The following DNAH9 variants were observed in gnomAD, a reference collection of about 807,000 sequenced individuals.
DNAH9 encodes the protein DNAH9 variant protein.
Under a neutral mutation model 471.6 loss-of-function variants are expected in DNAH9, and 345 were observed. That is an observed-to-expected ratio of 0.73 (90% CI 0.67 to 0.80). The LOEUF is 0.80. Ranked by LOEUF, DNAH9 falls within the 30% of genes least tolerant of loss-of-function variation. The pLI, the probability that DNAH9 is intolerant of heterozygous loss-of-function variation, is 0.00. For missense variants in DNAH9, 5,407 were observed against 5,609.2 expected (o/e 0.96, Z 1.15); for synonymous variants, 2,093 against 2,123.6 (o/e 0.99, Z 0.40).
intron 32 of DNAH9, among the ~76,000 whole-genome samples, chr17:11,749,667 T>C (rs1967068135): frequency 6.6e-6 from 1 of 152,066 alleles, no homozygotes; most frequent in Non-Finnish European, 1.5e-5. Context: ...TGAGGCAGGG[T>C]ACAGAATCAA....
chr17:11,840,468 A>G (rs558206474), intron 49 of DNAH9, among the ~76,000 whole-genome samples: 2 of 152,184 alleles, frequency 1.3e-5, no homozygotes, highest in Admixed American at 1.3e-4. Context: ...CCTTATACAT[A>G]TATCTTTATT....
intron 32 of DNAH9, among the ~76,000 whole-genome samples, chr17:11,750,775 G>A (rs912210998): frequency 5.3e-5 from 8 of 151,998 alleles, no homozygotes; most frequent in African/African-American, 1.9e-4. Flanking sequence ...AAACCTCTAA[G>A]GGAAAACTTT....
chr17:11,606,427 T>A (rs1267050607), intron 1 of DNAH9, among the ~76,000 whole-genome samples: 3 of 140,984 alleles, frequency 2.1e-5, no homozygotes, highest in Admixed American at 1.5e-4. Flanking sequence ...ACTGACAACT[T>A]TCTTTCTTTT....
At chr17:11,894,659 T>C (rs1241989521) in intron 59 of DNAH9, among the ~76,000 whole-genome samples, 163 bp downstream of exon 59, 1 of 152,192 alleles carries the variant, frequency 6.6e-6, no homozygotes, top group Admixed American at 6.5e-5. Context: ...TGAGCTCATC[T>C]TTCCTGGGCC....
At chr17:11,761,838 CTGAT>C (rs1246595802) in intron 35 of DNAH9, among the ~76,000 whole-genome samples, 1 of 152,132 alleles carries the variant, frequency 6.6e-6, no homozygotes, top group Non-Finnish European at 1.5e-5. Context: ...CTCTAGTACT[CTGAT>C]TGCTAATTTC....
intron 7 of DNAH9, 43 bp from the exon 8 acceptor site, chr17:11,632,544 C>A: frequency 9.9e-7 from 1 of 1,005,990 alleles, no homozygotes; most frequent in Non-Finnish European, 1.6e-6. Context: ...GGTTGGCTTA[C>A]AGAAAATTAC....
chr17:11,762,788 T>TG (rs1183545995), intron 35 of DNAH9, among the ~76,000 whole-genome samples: 77 of 121,208 alleles, frequency 6.4e-4, no homozygotes, highest in African/African-American at 9.5e-4. Context: ...TTTTTTTTTT[T>TG]TTTTTTTTTG....
chr17:11,761,226 T>C (rs1207944037), intron 35 of DNAH9, among the ~76,000 whole-genome samples: 1 of 152,060 alleles, frequency 6.6e-6, no homozygotes, highest in Non-Finnish European at 1.5e-5. Flanking sequence ...CCAGTGAAAA[T>C]ATAAAGAAAC....
At chr17:11,891,063 T>C (rs1020004779) in intron 57 of DNAH9, among the ~76,000 whole-genome samples, 1 of 152,212 alleles carries the variant, frequency 6.6e-6, no homozygotes, top group Non-Finnish European at 1.5e-5. Flanking sequence ...TTTACTTTTT[T>C]AAATAGTCAA....
intron 15 of DNAH9, among the ~76,000 whole-genome samples, chr17:11,667,144 C>T (rs2073886104): frequency 6.6e-6 from 1 of 152,174 alleles, no homozygotes; most frequent in African/African-American, 2.4e-5. Context: ...ACAGTCAAAA[C>T]ATTCTGTCAA....
rs200331382 is a variant in DNAH9, at chr17:11,905,782, G to A, written c.11722G>A (p.Asp3908Asn). Residue 3908 changes from aspartate (D) to asparagine (N), a missense_variant, in exon 61 of 69, where the codon GAC becomes AAC. Asp to Asn is a conservative substitution (Grantham distance 23, BLOSUM62 1). Transcript: ENST00000262442. ...GTTTTTCATCCTGTCTCCAGGGGTG[G>A]ACCCACTGAAGGATGTAGAAAGTCA... is the stretch of plus-strand genomic sequence containing the variant. ...PMFFILSPGV[D>N]PLKDVESQGR... The A allele has an allele frequency of 6.2e-7, 1 of 1,612,868 alleles. No individual in the cohort carries two copies. The highest frequency in any genetic ancestry group is 8.5e-7 in the Non-Finnish European group (1 of 1,179,322).
intron 17 of DNAH9, among the ~76,000 whole-genome samples, chr17:11,674,682 C>A (rs1480362654): frequency 6.6e-6 from 1 of 152,098 alleles, no homozygotes; most frequent in Non-Finnish European, 1.5e-5. Flanking sequence ...TAAACAAATT[C>A]TTAATTTGTG....
intron 41 of DNAH9, among the ~76,000 whole-genome samples, chr17:11,791,230 T>C (rs578020194): frequency 1.3e-5 from 2 of 152,340 alleles, no homozygotes; most frequent in Admixed American, 1.3e-4. Context: ...GGTTGGTTGC[T>C]ATTTTCTTTC....
intron 6 of DNAH9, among the ~76,000 whole-genome samples, chr17:11,627,199 G>A (rs2072984794): frequency 6.6e-6 from 1 of 152,128 alleles, no homozygotes; most frequent in African/African-American, 2.4e-5. Flanking sequence ...AACAATGTAA[G>A]TATCTATCTT....
At chr17:11,600,585 G>A (rs144590081) in intron 1 of DNAH9, among the ~76,000 whole-genome samples, 90 of 152,338 alleles carry the variant, frequency 5.9e-4, no homozygotes, top group African/African-American at 2.1e-3. Flanking sequence ...GGGACTGGGT[G>A]ACTGAATTAT....
chr17:11,720,970 G>A (rs1201909594), intron 27 of DNAH9, among the ~76,000 whole-genome samples: 1 of 152,150 alleles, frequency 6.6e-6, no homozygotes, highest in East Asian at 1.9e-4. Flanking sequence ...TTATGTTCTA[G>A]ATTTTTCTAT....
At chr17:11,793,122 T>C (rs1369467987) in intron 41 of DNAH9, among the ~76,000 whole-genome samples, 1 of 152,238 alleles carries the variant, frequency 6.6e-6, no homozygotes, top group African/African-American at 2.4e-5. Context: ...CTTGTTTCCT[T>C]AGGCATATTA....
At chr17:11,694,221 A>G (rs192262420) in intron 21 of DNAH9, 100 bp from the exon 22 acceptor site, 1 of 1,381,242 alleles carries the variant, frequency 7.2e-7, no homozygotes, top group African/African-American at 1.4e-5. Context: ...GTGCTAATGC[A>G]TATGTTCCGT....
chr17:11,629,222 A>G (rs937222706), intron 6 of DNAH9, among the ~76,000 whole-genome samples, 195 bp from the exon 7 acceptor site: 13 of 151,664 alleles, frequency 8.6e-5, no homozygotes, highest in Non-Finnish European at 1.3e-4. Context: ...AGCATTAGGT[A>G]TATCTCCTAA....
Sources: allele counts gnomAD v4.1 joint callset (sites outside exome capture counted in the v4.1 genomes callset), GRCh38; gene constraint gnomAD v4.1.1; transcripts MANE v1.5; gene names NCBI Gene and HGNC (gene_info 2026-07-23, HGNC 2026-07-21).